Variants in CRACD observed in about 807,000 individuals in gnomAD.
CRACD encodes the protein capping protein inhibiting regulator of actin dynamics.
In CRACD, 56 loss-of-function variants were observed where a neutral mutation model predicts 106.8. The ratio of observed to expected loss-of-function variants is 0.52; its 90% CI spans 0.42 to 0.66. CRACD has a LOEUF of 0.66. CRACD is among the 30% of genes least tolerant of loss of function. The pLI is 0.00. For synonymous variants in CRACD, 754 were observed against 670.8 expected, an observed-to-expected ratio of 1.12 and a Z score of -1.92; for missense variants, 1,730 against 1,623.2, an observed-to-expected ratio of 1.07 and a Z score of -1.13.
chr4:56,214,604 AAG>A (rs1738569239), intron 2 of CRACD, among the ~76,000 whole-genome samples: 1 of 147,726 alleles, frequency 6.8e-6, no homozygotes, highest in Non-Finnish European at 1.5e-5. Flanking sequence ...AGAAAAAAAA[AAG>A]AGACATATCG....
At chr4:56,215,759 A>G (rs1282708658) in intron 2 of CRACD, among the ~76,000 whole-genome samples, 3 of 152,208 alleles carry the variant, frequency 2.0e-5, no homozygotes, top group African/African-American at 2.4e-5. Flanking sequence ...AGAGAATTGT[A>G]CCATTCTTCC....
chr4:56,197,744 C>T (rs1396153812), intron 2 of CRACD, among the ~76,000 whole-genome samples: 3 of 151,514 alleles, frequency 2.0e-5, no homozygotes, highest in Non-Finnish European at 4.4e-5. Flanking sequence ...GTGGTGGGAT[C>T]TCTGCTCACT....
At chr4:56,297,667 G>C (rs1744128724) in intron 3 of CRACD, among the ~76,000 whole-genome samples, 2 of 152,206 alleles carry the variant, frequency 1.3e-5, no homozygotes, top group African/African-American at 4.8e-5. Context: ...TGCAAAGCCT[G>C]TCAGAATGGC....
In CRACD at chr4:56,072,063, G is replaced by A. The variant is rs1359981153; in HGVS notation, c.-336+22764G>A. ...GAATGGCGTGAACCCGGGAGGCGGA[G>A]CTTGCAGTGAGCCGAGATCGCGCCA... On this transcript the variant is annotated intron_variant, in intron 1 of 10. Coordinates refer to ENST00000682029, the MANE Select transcript of CRACD (RefSeq NM_001393381.1). 2.0e-5 allele frequency among the ~76,000 whole-genome samples: 3 copies of A among 150,424 alleles called. No homozygotes were observed. In the East Asian group the frequency reaches 6.0e-4, roughly 30 times the overall value.
chr4:56,054,258 G>T (rs954592282), intron 1 of CRACD, among the ~76,000 whole-genome samples: 8 of 152,144 alleles, frequency 5.3e-5, no homozygotes, highest in African/African-American at 1.9e-4. Context: ...ATGGCTCACT[G>T]CAGCCTCTAC....
chr4:56,241,033 G>C (rs936853476), intron 2 of CRACD, among the ~76,000 whole-genome samples: 1 of 152,138 alleles, frequency 6.6e-6, no homozygotes, highest in Admixed American at 6.5e-5. Flanking sequence ...AGCTCAGAGC[G>C]TTATCAGCTG....
intron 3 of CRACD, among the ~76,000 whole-genome samples, chr4:56,287,530 C>G (rs1344228811): frequency 6.6e-6 from 1 of 152,126 alleles, no homozygotes; most frequent in Non-Finnish European, 1.5e-5. Flanking sequence ...ATCTGCCCAC[C>G]TCGGCCTCCC....
chr4:56,201,914 A>G (rs1040223699), intron 2 of CRACD, among the ~76,000 whole-genome samples: 18 of 152,176 alleles, frequency 1.2e-4, no homozygotes, highest in African/African-American at 4.3e-4. Context: ...CACATGTACA[A>G]GTTGTTTATT....
At chr4:56,112,501 C>T (rs552150340) in intron 1 of CRACD, among the ~76,000 whole-genome samples, 11 of 146,642 alleles carry the variant, frequency 7.5e-5, no homozygotes, top group African/African-American at 2.6e-4. Flanking sequence ...TTGGGATCAG[C>T]GGAAAGGAAT....
rs116782542 is a variant in CRACD at position 56,328,005 on chromosome 4, G to A, written c.*201G>A. The A allele has an allele frequency of 2.6e-3, 1,265 of 493,994 alleles. 12 individuals are homozygous for A. Among genetic ancestry groups the A allele is most frequent in the African/African-American group, 0.022 (1,160 of 51,728 alleles). The allele number at this position is 493,994 out of a possible 1,614,324, so 30.6% of individuals were successfully genotyped here. A position where few individuals can be genotyped will look rare whatever the true frequency, so the allele number is the denominator to read the frequency against. ...GCACAACCCTAGGTCCTGGTGCCTC[G>A]AGCTCCTCCTAGTTCTCAAGAGAAA... On this transcript the variant is annotated 3_prime_UTR_variant, in exon 11 of 11. Transcript: ENST00000682029.
intron 2 of CRACD, among the ~76,000 whole-genome samples, chr4:56,193,063 T>G (rs993000028): frequency 2.0e-5 from 3 of 152,168 alleles, no homozygotes; most frequent in Non-Finnish European, 2.9e-5. Context: ...TATAATGGAC[T>G]CACAGTTCCA....
intron 2 of CRACD, among the ~76,000 whole-genome samples, chr4:56,237,396 C>T (rs149692919): frequency 6.0e-4 from 91 of 152,090 alleles, no homozygotes; most frequent in Non-Finnish European, 8.7e-4. Context: ...TAGATTAAAT[C>T]CACTTGTATG....
chr4:56,099,641 T>C (rs1733716610), intron 1 of CRACD, among the ~76,000 whole-genome samples: 1 of 152,174 alleles, frequency 6.6e-6, no homozygotes, highest in African/African-American at 2.4e-5. Context: ...CTGTGTGGGT[T>C]AGCAGACATT....
intron 3 of CRACD, among the ~76,000 whole-genome samples, chr4:56,287,534 G>A (rs1310289972): frequency 6.6e-6 from 1 of 152,082 alleles, no homozygotes; most frequent in Non-Finnish European, 1.5e-5. Flanking sequence ...GCCCACCTCG[G>A]CCTCCCACAG....
chr4:56,323,499 C>G lies in CRACD; in HGVS notation c.3310C>G (p.Gln1104Glu), dbSNP rs1560543700. Reference sequence around the variant, plus strand: ...AAAGCAAAAGGGGTTTCGGGAGCAGCAGGCGACGCGGGAGGAGAGAAAGCA... The same window carrying G: ...AAAGCAAAAGGGGTTTCGGGAGCAGGAGGCGACGCGGGAGGAGAGAAAGCA... ...LQKQKGFREQ[Q>E]ATREERKQAR... is the part of the protein sequence containing the mutation. Residue 1104 changes from glutamine (Q) to glutamate (E), a missense_variant, in exon 9 of 11, where the codon CAG (glutamine) becomes GAG (glutamate). Gln to Glu is a conservative substitution (Grantham distance 29). This residue lies in a region of CRACD where 1,620 missense variants were observed against 1,481.6 expected (regional missense o/e 1.09). Coordinates refer to ENST00000682029, the MANE Select transcript of CRACD (RefSeq NM_001393381.1). The G allele has an allele frequency of 1.2e-6, 2 of 1,608,948 alleles. No individual in the cohort carries two copies. The highest frequency in any genetic ancestry group is 4.5e-5 in the East Asian group (2 of 44,570).
intron 1 of CRACD, among the ~76,000 whole-genome samples, chr4:56,162,086 C>T (rs1735980017): frequency 1.3e-5 from 2 of 152,122 alleles, no homozygotes; most frequent in Admixed American, 6.6e-5. Flanking sequence ...TTAACCACAG[C>T]CTAACCAGGG....
intron 2 of CRACD, among the ~76,000 whole-genome samples, chr4:56,208,968 C>T (rs1379618787): frequency 1.3e-5 from 2 of 151,782 alleles, no homozygotes; most frequent in African/African-American, 2.4e-5. Flanking sequence ...GAGGCAGAAT[C>T]TGTCTCTCTC....
intron 2 of CRACD, among the ~76,000 whole-genome samples, chr4:56,199,695 A>AAG (rs1553909607): frequency 1.7e-5 from 2 of 115,774 alleles, no homozygotes; most frequent in Non-Finnish European, 3.3e-5. Context: ...AAAAAAAAAG[A>AAG]AAAGAAAAAA....
At chr4:56,307,480 G>C in intron 4 of CRACD, 55 bp from the exon 5 acceptor site, 8 of 1,581,200 alleles carry the variant, frequency 5.1e-6, no homozygotes, top group Non-Finnish European at 6.9e-6. Flanking sequence ...ACCTGGTTGT[G>C]GTGGTTGTGA....
Sources: allele counts gnomAD v4.1 joint callset (sites outside exome capture counted in the v4.1 genomes callset), GRCh38; gene constraint gnomAD v4.1.1; regional missense constraint gnomAD v4.1.1; transcripts MANE v1.5; gene names NCBI Gene and HGNC (gene_info 2026-07-23, HGNC 2026-07-21).